BOC: variants seen among roughly 807,000 people sequenced by gnomAD.
BOC encodes the protein brother of CDO.
A neutral mutation model predicts 112.0 loss-of-function variants in BOC; 76 were observed. The observed-to-expected ratio is 0.68, with a 90% confidence interval of 0.56 to 0.82. BOC has a LOEUF of 0.82. Ranked by LOEUF, BOC falls within the 40% of genes least tolerant of loss-of-function variation. The probability of loss-of-function intolerance (pLI) is 0.00; values close to 1 mark genes in which losing one functional copy is unlikely to be tolerated. For missense variants in BOC, 1,309 were observed against 1,511.7 expected (o/e 0.87, Z 2.22); for synonymous variants, 580 against 599.8 (o/e 0.97, Z 0.48).
chr3:113,248,048 C>G (rs570113653), intron 2 of BOC, among the ~76,000 whole-genome samples: 1 of 152,160 alleles, frequency 6.6e-6, no homozygotes, highest in Non-Finnish European at 1.5e-5. Flanking sequence ...GGAGAAAATA[C>G]AAACCATCGG....
chr3:113,236,224 G>GTA (rs1240041889), intron 2 of BOC, among the ~76,000 whole-genome samples: 1 of 83,030 alleles, frequency 1.2e-5, no homozygotes, highest in African/African-American at 4.4e-5. Context: ...GTGTATATAC[G>GTA]TATATGTGTG....
rs1458327960 is a variant in BOC at position 113,284,779 on chromosome 3, C to T, written c.2890-3C>T. ...CCGTCTCATTACTCTTCCTTTTGAGCAGCAGAGTGACACCAGCAGCCTGCT... is the reference window on the plus strand; with the variant it reads ...CCGTCTCATTACTCTTCCTTTTGAGTAGCAGAGTGACACCAGCAGCCTGCT... On this transcript the variant is annotated splice_polypyrimidine_tract_variant and splice_region_variant and intron_variant, in intron 17 of 19. Transcript: ENST00000682979. The T allele has an allele frequency of 3.1e-6, 5 of 1,614,008 alleles. No individual in the cohort carries two copies. The highest frequency in any genetic ancestry group is 4.2e-6 in the Non-Finnish European group (5 of 1,179,828).
intron 2 of BOC, among the ~76,000 whole-genome samples, chr3:113,232,591 GCA>G (rs1942801444): frequency 6.6e-6 from 1 of 151,054 alleles, no homozygotes. Flanking sequence ...GTGTGTGTGT[GCA>G]CACGTGCACA....
At position 113,250,792 on chromosome 3, in the gene BOC, C is replaced by T. The variant is rs1288331511; in HGVS notation, c.335C>T (p.Ala112Val). 13 of 1,613,884 alleles carry T rather than the reference C, an allele frequency of 8.1e-6. No individual in the cohort carries two copies. The highest frequency in any genetic ancestry group is 3.3e-5 in the Admixed American group (2 of 60,002). The stretch of plus-strand genomic sequence containing the variant: ...TACCAGTGTGTGGCCCGGATGCCTG[C>T]GGGGGCTGTGGCCAGCGTGCCAGCC... ...GRYQCVARMP[A>V]GAVASVPATV... The change falls in exon 4 of 20, where the codon GCG becomes GTG. Residue 112 changes from alanine (A) to valine (V), a missense_variant. Ala to Val is a moderately conservative substitution (Grantham distance 64, BLOSUM62 0). Coordinates refer to ENST00000682979, the MANE Select transcript of BOC (RefSeq NM_001378074.1).
intron 2 of BOC, among the ~76,000 whole-genome samples, chr3:113,217,892 T>C (rs1939771800): frequency 6.6e-6 from 1 of 152,160 alleles, no homozygotes; most frequent in South Asian, 2.1e-4. Context: ...AGGAGAAGTG[T>C]GTGTTTTTGT....
intron 4 of BOC, among the ~76,000 whole-genome samples, chr3:113,260,435 A>G (rs1296357381): frequency 6.6e-6 from 1 of 152,180 alleles, no homozygotes; most frequent in Non-Finnish European, 1.5e-5. Flanking sequence ...AGAAACTGAG[A>G]TGTTTGGAGG....
At chr3:113,225,820 C>T (rs1941569091) in intron 2 of BOC, among the ~76,000 whole-genome samples, 2 of 152,236 alleles carry the variant, frequency 1.3e-5, no homozygotes, top group African/African-American at 4.8e-5. Context: ...ACGGTGGTTA[C>T]TAACCATTAC....
intron 2 of BOC, among the ~76,000 whole-genome samples, chr3:113,230,718 C>A (rs1340192999): frequency 6.6e-6 from 1 of 152,110 alleles, no homozygotes. Context: ...TCCCATGTTG[C>A]AACAAAATCT....
intron 2 of BOC, among the ~76,000 whole-genome samples, chr3:113,219,836 C>T (rs904626): frequency 0.84 from 127,725 of 152,162 alleles, 53,714 homozygotes; most frequent in East Asian, 0.88. Context: ...TGTCAGACTT[C>T]GCAGCTAGTG....
intron 2 of BOC, among the ~76,000 whole-genome samples, chr3:113,248,223 G>T (rs1367875251): frequency 6.6e-6 from 1 of 152,198 alleles, no homozygotes; most frequent in Non-Finnish European, 1.5e-5. Context: ...GGAAGGGAAA[G>T]GTTTAGGTTA....
rs1313698565 is a variant in BOC, at chr3:113,281,711, T to C, written c.2434+558T>C. 2.6e-5 allele frequency among the ~76,000 whole-genome samples: 4 copies of C among 152,242 alleles called. No individual in the cohort carries two copies. The South Asian group carries it at 8.3e-4, about 31-fold the overall frequency. Reference sequence around the variant, plus strand: ...GATAGCATTATCTCCGTTTTGCAGATACTGAAAGTGAGATAAAGCAGTTGT... The same window carrying C: ...GATAGCATTATCTCCGTTTTGCAGACACTGAAAGTGAGATAAAGCAGTTGT... On this transcript the variant is annotated intron_variant, in intron 15 of 19. Coordinates refer to ENST00000682979, the MANE Select transcript of BOC (RefSeq NM_001378074.1).
chr3:113,229,015 A>T (rs1942149236), intron 2 of BOC, among the ~76,000 whole-genome samples: 1 of 152,180 alleles, frequency 6.6e-6, no homozygotes. Context: ...ATGGATTTGG[A>T]AGGAGATTAA....
intron 2 of BOC, among the ~76,000 whole-genome samples, chr3:113,248,700 C>T (rs1468236223): frequency 6.6e-6 from 1 of 152,200 alleles, no homozygotes; most frequent in Non-Finnish European, 1.5e-5. Flanking sequence ...AGAATATACA[C>T]TTGCCCATGT....
rs565011154 is a variant in BOC at position 113,272,298 on chromosome 3, C to T, written c.668-112C>T. On this transcript the variant is annotated intron_variant, in intron 6 of 19. Transcript: ENST00000682979. ...CCCACTCTACATAGGTTGAAAGACC[C>T]GGAATGGCTGTTTGATCCCATCTCC... 386 of 1,220,434 alleles carry T rather than the reference C, an allele frequency of 3.2e-4. 1 individual carries two copies. Among genetic ancestry groups the T allele is most frequent in the Non-Finnish European group, 4.2e-4 (360 of 860,724 alleles). 75.6% of individuals were successfully genotyped at this position (1,220,434 alleles called of 1,614,324 possible). A position where few individuals can be genotyped will look rare whatever the true frequency, so the allele number is the denominator to read the frequency against.
At chr3:113,284,239 C>CTGT in intron 16 of BOC, 96 bp from the exon 17 acceptor site, 1 of 1,024,252 alleles carries the variant, frequency 9.8e-7, no homozygotes, top group Non-Finnish European at 1.5e-6. Context: ...CTTCAACCCT[C>CTGT]TGTGGCCAGG....
chr3:113,276,021 C>T (rs1406954945), intron 9 of BOC, among the ~76,000 whole-genome samples: 5 of 152,178 alleles, frequency 3.3e-5, no homozygotes, highest in South Asian at 2.1e-4. Context: ...GCCAGCAAAG[C>T]GGGTGAATGA....
At chr3:113,286,163 G>A (rs749972742) in intron 19 of BOC, among the ~76,000 whole-genome samples, 1 of 152,070 alleles carries the variant, frequency 6.6e-6, no homozygotes, top group African/African-American at 2.4e-5. Flanking sequence ...ATCCACTAAC[G>A]TTTCTTAGCT....
At position 113,278,187 on chromosome 3, in the gene BOC, G is replaced by C. The variant is rs757240587; in HGVS notation, c.1635G>C (p.Leu545Phe). ...TCACCAGACTTGACCCCGGGAGCTT[G>C]TATGAAGTGGAGATGGCAGCTTACA... is the stretch of plus-strand genomic sequence containing the variant. ...LTLTRLDPGS[L>F]YEVEMAAYNC... The change falls in exon 10 of 20, where the codon TTG (leucine) becomes TTC (phenylalanine). Residue 545 changes from leucine to phenylalanine, a missense_variant. Coordinates refer to ENST00000682979, the MANE Select transcript of BOC (RefSeq NM_001378074.1). This position sits in a 1 kb window ranked among gnomAD's most constrained non-coding sequence, Gnocchi z 4.2. 2.4e-5 allele frequency: 39 copies of C among 1,614,100 alleles called. No homozygotes were observed. Among genetic ancestry groups the C allele is most frequent in the Non-Finnish European group, 2.8e-5 (33 of 1,180,050 alleles).
intron 9 of BOC, 128 bp from the exon 10 acceptor site, chr3:113,277,967 C>A: frequency 7.9e-7 from 1 of 1,270,756 alleles, no homozygotes. Context: ...CCACCCTAAC[C>A]CCAACCTGGC....
Sources: allele counts gnomAD v4.1 joint callset (sites outside exome capture counted in the v4.1 genomes callset), GRCh38; gene constraint gnomAD v4.1.1; non-coding constraint Gnocchi (gnomAD v3.1); transcripts MANE v1.5; gene names NCBI Gene and HGNC (gene_info 2026-07-23, HGNC 2026-07-21).